CHMP4C: variants seen among roughly 807,000 people sequenced by gnomAD.
CHMP4C encodes charged multivesicular body protein 4C.
In CHMP4C, 28 loss-of-function variants were observed where a neutral mutation model predicts 29.0. The ratio of observed to expected loss-of-function variants is 0.97; its 90% CI spans 0.72 to 1.32. CHMP4C has a LOEUF of 1.32. Among genes scored for constraint, CHMP4C ranks in the 40% most tolerant of loss-of-function variants. CHMP4C has a pLI of 0.00. For synonymous variants in CHMP4C, 106 were observed against 102.4 expected (o/e 1.04, Z -0.21); for missense variants, 291 against 281.0 (o/e 1.04, Z -0.25).
chr8:81,736,093 AAATAAAT>A (rs1808686381), intron 1 of CHMP4C, among the ~76,000 whole-genome samples: 1 of 3,574 alleles, frequency 2.8e-4, no homozygotes, highest in African/African-American at 8.7e-4. Context: ...CTCAATAAAT[AAATAAAT>A]AAATAAATAA....
chr8:81,732,760 A>G lies in CHMP4C; in HGVS notation c.134A>G (p.Asn45Ser), dbSNP rs766554420. The G allele has an allele frequency of 1.2e-5, 19 of 1,611,086 alleles. No homozygotes were observed. Among genetic ancestry groups the G allele is most frequent in the Non-Finnish European group, 1.6e-5 (19 of 1,178,830 alleles). Residue 45 changes from asparagine to serine, a missense_variant, in exon 1 of 5, where the codon AAT becomes AGT. Physicochemically the swap from Asn to Ser is conservative, Grantham distance 46. Transcript: ENST00000297265. ...GGCAAGAAACAAGAGTACCTGGAAA[A>G]TCGAATCCAGAGAGAAATCGCCCTG... Reference protein sequence around the residue: ...MLGKKQEYLENRIQREIALAK... With the variant: ...MLGKKQEYLESRIQREIALAK...
At chr8:81,736,668 A>C (rs1808695245) in intron 1 of CHMP4C, among the ~76,000 whole-genome samples, 1 of 152,246 alleles carries the variant, frequency 6.6e-6, no homozygotes, top group African/African-American at 2.4e-5. Context: ...CACCTCTAAT[A>C]GGGCACAGCA....
intron 1 of CHMP4C, among the ~76,000 whole-genome samples, chr8:81,734,499 T>G (rs7817846): frequency 0.076 from 11,585 of 152,176 alleles, 592 homozygotes; most frequent in East Asian, 0.14. Flanking sequence ...CCCAGCTAAT[T>G]TTATATTTTT....
intron 1 of CHMP4C, among the ~76,000 whole-genome samples, chr8:81,743,007 A>G (rs892428000): frequency 3.9e-5 from 6 of 152,104 alleles, no homozygotes; most frequent in African/African-American, 1.4e-4. Context: ...TTCAAATACT[A>G]ACAGTTAACT....
At chr8:81,752,481 C>T (rs1299536422) in intron 1 of CHMP4C, among the ~76,000 whole-genome samples, 1 of 152,168 alleles carries the variant, frequency 6.6e-6, no homozygotes, top group Non-Finnish European at 1.5e-5. Flanking sequence ...TCCTTGAATA[C>T]AACTCTAGCA....
intron 2 of CHMP4C, 130 bp from the exon 3 acceptor site, chr8:81,755,240 C>A: frequency 2.3e-6 from 1 of 428,118 alleles, no homozygotes; most frequent in South Asian, 6.1e-5. Context: ...TAAATATCAT[C>A]AGGAATATTT....
At chr8:81,754,695 G>A (rs1398657649) in intron 2 of CHMP4C, among the ~76,000 whole-genome samples, 1 of 152,114 alleles carries the variant, frequency 6.6e-6, no homozygotes, top group Non-Finnish European at 1.5e-5. Context: ...TGCTTAGGCG[G>A]GTGTTTAGGA....
intron 1 of CHMP4C, among the ~76,000 whole-genome samples, chr8:81,739,414 A>G (rs1216967140): frequency 6.5e-5 from 1 of 15,360 alleles, no homozygotes; most frequent in Non-Finnish European, 1.0e-4. Flanking sequence ...GGCCTGGGGG[A>G]TTGTGGGGGG....
intron 1 of CHMP4C, among the ~76,000 whole-genome samples, chr8:81,751,344 A>T (rs1410742474): frequency 6.6e-6 from 1 of 152,120 alleles, no homozygotes; most frequent in Non-Finnish European, 1.5e-5. Context: ...GGCAATTGTT[A>T]AGAAAGATTT....
chr8:81,752,920 A>G, intron 1 of CHMP4C, 144 bp from the exon 2 acceptor site: 1 of 534,392 alleles, frequency 1.9e-6, no homozygotes, highest in South Asian at 3.6e-5. Context: ...GGACAATATG[A>G]GTTGTTTATT....
chr8:81,754,353 T>C (rs1258548909), intron 2 of CHMP4C, among the ~76,000 whole-genome samples: 1 of 152,144 alleles, frequency 6.6e-6, no homozygotes, highest in Non-Finnish European at 1.5e-5. Flanking sequence ...CCATACATTT[T>C]TTCATATTCC....
chr8:81,737,378 A>C (rs947787977), intron 1 of CHMP4C, among the ~76,000 whole-genome samples: 1 of 152,140 alleles, frequency 6.6e-6, no homozygotes, highest in Non-Finnish European at 1.5e-5. Context: ...AGATGGAAAA[A>C]CAAGATCTGT....
chr8:81,732,510 G>A lies in CHMP4C; in HGVS notation c.-117G>A. ...GGACGACTTGTTGATTCCCAGGAGG[G>A]CCGCCTTTCCGGTCTGGGTCCCCGA... is the stretch of plus-strand genomic sequence containing the variant. On this transcript the variant is annotated 5_prime_UTR_variant, in exon 1 of 5. Transcript: ENST00000297265. The A allele has an allele frequency of 2.9e-6, 2 of 690,386 alleles. No individual in the cohort carries two copies. Among genetic ancestry groups the A allele is most frequent in the Non-Finnish European group, 4.8e-6 (2 of 413,688 alleles). The allele number at this position is 690,386 out of a possible 1,614,324, so 42.8% of individuals were successfully genotyped here.
intron 1 of CHMP4C, among the ~76,000 whole-genome samples, chr8:81,734,039 A>G (rs955698712): frequency 2.6e-5 from 4 of 152,230 alleles, no homozygotes; most frequent in African/African-American, 4.8e-5. Flanking sequence ...GTTTTATTGC[A>G]TATAACTTTT....
chr8:81,739,697 C>T (rs1355637048), intron 1 of CHMP4C, among the ~76,000 whole-genome samples: 1 of 152,218 alleles, frequency 6.6e-6, no homozygotes, highest in African/African-American at 2.4e-5. Context: ...CCACTATCTC[C>T]CTCTCTTTTC....
intron 1 of CHMP4C, among the ~76,000 whole-genome samples, chr8:81,747,914 C>T (rs559817668): frequency 6.6e-6 from 1 of 152,112 alleles, no homozygotes; most frequent in African/African-American, 2.4e-5. Flanking sequence ...TGAGATCAAC[C>T]GGTCTGACCA....
At chr8:81,754,510 CA>C (rs1028433213) in intron 2 of CHMP4C, among the ~76,000 whole-genome samples, 4 of 152,112 alleles carry the variant, frequency 2.6e-5, no homozygotes, top group African/African-American at 4.8e-5. Flanking sequence ...GGGAAACTCA[CA>C]AAAAAATTAC....
intron 1 of CHMP4C, among the ~76,000 whole-genome samples, chr8:81,738,503 C>T (rs910327282): frequency 2.0e-5 from 3 of 152,172 alleles, no homozygotes; most frequent in Admixed American, 6.5e-5. Context: ...GGAGTGTGCA[C>T]AATCCCACTC....
intron 1 of CHMP4C, among the ~76,000 whole-genome samples, chr8:81,736,349 T>C (rs1315257600): frequency 6.6e-6 from 1 of 151,464 alleles, no homozygotes; most frequent in Non-Finnish European, 1.5e-5. Flanking sequence ...TTTGTATAGG[T>C]GAGGTCTCCC....
Sources: gnomAD v4.1 joint callset for allele counts (sites outside exome capture counted in the v4.1 genomes callset) on GRCh38, gnomAD v4.1.1 for gene constraint, MANE v1.5 for transcripts, NCBI Gene and HGNC (gene_info 2026-07-23, HGNC 2026-07-21) for gene names.